NUP93: variants seen among roughly 807,000 people sequenced by gnomAD.
NUP93 encodes the protein nuclear pore complex protein Nup93.
A neutral mutation model predicts 107.8 loss-of-function variants in NUP93; 55 were observed. That is an observed-to-expected ratio of 0.51 (90% CI 0.41 to 0.64). The LOEUF is 0.64. Ranked by LOEUF, NUP93 falls within the 30% of genes least tolerant of loss-of-function variation. NUP93 has a pLI of 0.00. For missense variants in NUP93, 937 were observed against 1,044.7 expected (o/e 0.90, Z 1.42); for synonymous variants, 390 against 397.5 (o/e 0.98, Z 0.22).
intron 2 of NUP93, among the ~76,000 whole-genome samples, chr16:56,749,486 T>C (rs773157987): frequency 3.9e-5 from 6 of 152,216 alleles, no homozygotes; most frequent in African/African-American, 7.2e-5. Context: ...GTGCTGCTAC[T>C]TGTGCCTTTG....
intron 3 of NUP93, among the ~76,000 whole-genome samples, chr16:56,793,335 G>C (rs1962810481): frequency 6.6e-6 from 1 of 152,142 alleles, no homozygotes; most frequent in South Asian, 2.1e-4. Context: ...GGGGGACTGT[G>C]AGCAATTACA....
chr16:56,832,144 T>G, intron 11 of NUP93, 137 bp downstream of exon 11: 8 of 1,260,822 alleles, frequency 6.3e-6, no homozygotes, highest in Non-Finnish European at 9.1e-6. Context: ...CTGTCCCCAT[T>G]TTTTGTTGTG....
chr16:56,807,593 G>C (rs1210311215), intron 5 of NUP93, among the ~76,000 whole-genome samples: 1 of 152,214 alleles, frequency 6.6e-6, no homozygotes, highest in Non-Finnish European at 1.5e-5. Flanking sequence ...TAACTGAACT[G>C]TTAGGGATAT....
chr16:56,812,407 G>A (rs966631524), intron 5 of NUP93, among the ~76,000 whole-genome samples: 1 of 151,844 alleles, frequency 6.6e-6, no homozygotes, highest in African/African-American at 2.4e-5. Flanking sequence ...GCAGTGGCGC[G>A]ATCTTGGGTC....
chr16:56,743,306 T>C (rs1961768590), intron 1 of NUP93, among the ~76,000 whole-genome samples: 1 of 152,224 alleles, frequency 6.6e-6, no homozygotes, highest in Non-Finnish European at 1.5e-5. Context: ...TGATATGCCC[T>C]AAAGGGACAT....
At position 56,737,978 on chromosome 16, in the gene NUP93, C is replaced by T. The variant is rs1597099169; in HGVS notation, c.-15+7767C>T. On this transcript the variant is annotated intron_variant, in intron 1 of 21. Transcript: ENST00000308159. ...GCCAAAGCCACAGGCCCTTTGGGGC[C>T]GACTTGGTGATCTGCCCCTGTTTAT... Among the ~76,000 whole-genome samples, 6 of 152,312 alleles carry T rather than the reference C, an allele frequency of 3.9e-5. No homozygotes were observed. In the South Asian group the frequency reaches 1.0e-3, roughly 26 times the overall value.
At chr16:56,807,520 AATACTGT>A (rs1963168861) in intron 5 of NUP93, among the ~76,000 whole-genome samples, 1 of 152,224 alleles carries the variant, frequency 6.6e-6, no homozygotes, top group Non-Finnish European at 1.5e-5. Context: ...CAGTGCCTGG[AATACTGT>A]AGATGCTCAG....
chr16:56,836,692 C>G lies in NUP93; in HGVS notation c.1874C>G (p.Ala625Gly). 1 of 1,613,452 alleles carries G rather than the reference C, an allele frequency of 6.2e-7. No homozygotes were observed. Among genetic ancestry groups the G allele is most frequent in the South Asian group, 1.1e-5 (1 of 91,056 alleles). Residue 625 changes from alanine (A) to glycine (G), a missense_variant, in exon 17 of 22, where the codon GCA becomes GGA. Physicochemically the swap from Ala to Gly is moderately conservative, Grantham distance 60. Transcript: ENST00000308159. The stretch of plus-strand genomic sequence containing the variant: ...GAAAATAAAGGACTGTTTGAAGAGG[C>G]AGCAAAGCTGTATGACCTTGCCAAG... ...VAENKGLFEE[A>G]AKLYDLAKNA...
chr16:56,754,819 A>G (rs905282481), intron 2 of NUP93, among the ~76,000 whole-genome samples: 7 of 152,192 alleles, frequency 4.6e-5, no homozygotes, highest in South Asian at 2.1e-4. Flanking sequence ...TAGATTCTCC[A>G]TGAGGGCTCT....
intron 3 of NUP93, among the ~76,000 whole-genome samples, chr16:56,789,097 T>C (rs1962696488): frequency 6.6e-6 from 1 of 152,138 alleles, no homozygotes; most frequent in Non-Finnish European, 1.5e-5. Context: ...CTTACATTAG[T>C]GTCTCTAAGG....
chr16:56,759,854 T>A (rs1269895721), intron 3 of NUP93, among the ~76,000 whole-genome samples: 1 of 152,202 alleles, frequency 6.6e-6, no homozygotes, highest in Non-Finnish European at 1.5e-5. Context: ...GTTTTTAATG[T>A]TGAAAATACC....
At chr16:56,758,773 T>C in intron 3 of NUP93, 118 bp downstream of exon 3, 1 of 708,584 alleles carries the variant, frequency 1.4e-6, no homozygotes, top group Admixed American at 2.3e-5. Flanking sequence ...TTCTTCTTCC[T>C]CAGATATTAA....
chr16:56,820,890 G>A (rs1963528727), intron 6 of NUP93, among the ~76,000 whole-genome samples: 1 of 152,162 alleles, frequency 6.6e-6, no homozygotes, highest in Non-Finnish European at 1.5e-5. Flanking sequence ...CTAGAAGAGT[G>A]AATTTACGAT....
chr16:56,844,125 T>TG (rs1411346389), intron 21 of NUP93, among the ~76,000 whole-genome samples: 1 of 152,196 alleles, frequency 6.6e-6, no homozygotes, highest in African/African-American at 2.4e-5. Flanking sequence ...TGAAAGCAGA[T>TG]GGACAGAAAC....
Position 56,794,041 on chromosome 16 carries a change from C to T in NUP93, c.298-4435C>T, listed in dbSNP as rs12932465. On this transcript the variant is annotated intron_variant, in intron 3 of 21. Transcript: ENST00000308159. ...CTGCACTCTAGCCTGGGTGGCAGAG[C>T]GAGACTCCATCTCTAGATAGATAGA... 3.0e-3 allele frequency among the ~76,000 whole-genome samples: 459 copies of T among 150,740 alleles called. 3 individuals carry two copies. The highest frequency in any genetic ancestry group is 4.8e-3 in the Non-Finnish European group (326 of 67,814).
intron 7 of NUP93, 132 bp downstream of exon 7, chr16:56,821,725 T>C: frequency 1.8e-6 from 1 of 567,354 alleles, no homozygotes; most frequent in Admixed American, 3.0e-5. Context: ...TGTTCTTCAG[T>C]TTTATTTTAA....
intron 1 of NUP93, among the ~76,000 whole-genome samples, chr16:56,738,541 T>C (rs4783957): frequency 0.88 from 133,808 of 152,196 alleles, 59,138 homozygotes; most frequent in East Asian, 1. Flanking sequence ...ACTCTACCTT[T>C]TGAATAATGA....
intron 8 of NUP93, among the ~76,000 whole-genome samples, chr16:56,828,208 A>AG (rs1473200514): frequency 7.2e-6 from 1 of 138,536 alleles, no homozygotes; most frequent in Non-Finnish European, 1.6e-5. Flanking sequence ...AAAAAAAAAA[A>AG]AAAAAAGATC....
chr16:56,776,452 A>T (rs1962419299), intron 3 of NUP93, among the ~76,000 whole-genome samples: 1 of 152,224 alleles, frequency 6.6e-6, no homozygotes, highest in South Asian at 2.1e-4. Context: ...TGCTTTTAAT[A>T]AGCAAATCCA....
Sources: gnomAD v4.1 joint callset for allele counts (sites outside exome capture counted in the v4.1 genomes callset) on GRCh38, gnomAD v4.1.1 for gene constraint, MANE v1.5 for transcripts, NCBI Gene and HGNC (gene_info 2026-07-23, HGNC 2026-07-21) for gene names.